The following VWA8 variants were observed in gnomAD, a reference collection of about 807,000 sequenced individuals.
VWA8 encodes the protein von Willebrand factor A domain containing 8, also known as von Willebrand factor A domain-containing protein 8.
A neutral mutation model predicts 241.5 loss-of-function variants in VWA8; 221 were observed. The ratio of observed to expected loss-of-function variants is 0.91; its 90% CI spans 0.82 to 1.02. VWA8 has a LOEUF of 1.02. Among genes scored for constraint, VWA8 ranks in the 50% least tolerant of loss-of-function variants. The pLI, the probability that VWA8 is intolerant of heterozygous loss-of-function variation, is 0.00. For missense variants in VWA8, 2,322 were observed against 2,328.7 expected, an observed-to-expected ratio of 1.00 and a Z score of 0.06; for synonymous variants, 852 against 827.1, an observed-to-expected ratio of 1.03 and a Z score of -0.52.
chr13:41,869,566 G>C (rs1030212557), intron 9 of VWA8, among the ~76,000 whole-genome samples: 2 of 145,854 alleles, frequency 1.4e-5, no homozygotes, highest in African/African-American at 5.1e-5. Flanking sequence ...CAGAGACAGA[G>C]GTTGCAGTGA....
Position 41,623,485 on chromosome 13 carries a change from G to A in VWA8, c.4612-8401C>T, listed in dbSNP as rs143432834. ...GATTCATGTATTAAGGGATGAATGA[G>A]AGGCAGCAGGGCAGAAGCTACTGTC... On this transcript the variant is annotated intron_variant, in intron 37 of 44. Coordinates refer to ENST00000379310, the MANE Select transcript of VWA8 (RefSeq NM_015058.2). 6.6e-5 allele frequency among the ~76,000 whole-genome samples: 10 copies of A among 152,280 alleles called. No homozygotes were observed. The East Asian group carries it at 1.9e-3, about 29-fold the overall frequency.
chr13:41,726,303 C>T (rs2045433066), intron 24 of VWA8, among the ~76,000 whole-genome samples: 1 of 152,144 alleles, frequency 6.6e-6, no homozygotes, highest in African/African-American at 2.4e-5. Context: ...TGTACTTAAA[C>T]ATTGTATAGG....
chr13:41,936,268 C>G (rs1877344744), intron 2 of VWA8, among the ~76,000 whole-genome samples: 1 of 152,146 alleles, frequency 6.6e-6, no homozygotes, highest in Non-Finnish European at 1.5e-5. Flanking sequence ...TAATTTCCAT[C>G]TCTCTAGCTA....
chr13:41,697,200 T>C (rs2045220786), intron 29 of VWA8, among the ~76,000 whole-genome samples: 1 of 150,326 alleles, frequency 6.7e-6, no homozygotes, highest in Non-Finnish European at 1.5e-5. Flanking sequence ...TTGGAAATCC[T>C]GTTGGTTCTA....
At chr13:41,756,628 T>C (rs1235540968) in intron 21 of VWA8, among the ~76,000 whole-genome samples, 1 of 151,742 alleles carries the variant, frequency 6.6e-6, no homozygotes, top group African/African-American at 2.4e-5. Flanking sequence ...TATATACTTA[T>C]ATGGCATCTG....
At chr13:41,901,344 C>G (rs552885926) in intron 4 of VWA8, among the ~76,000 whole-genome samples, 5 of 152,162 alleles carry the variant, frequency 3.3e-5, no homozygotes, top group African/African-American at 1.2e-4. Flanking sequence ...TTGGACAGAG[C>G]CTGGTTCAAA....
At chr13:41,846,424 C>T (rs1872293165) in intron 12 of VWA8, among the ~76,000 whole-genome samples, 1 of 152,148 alleles carries the variant, frequency 6.6e-6, no homozygotes, top group Non-Finnish European at 1.5e-5. Context: ...ACTTCTGCAA[C>T]TTCCTTATTA....
intron 1 of VWA8, among the ~76,000 whole-genome samples, chr13:41,957,745 T>C (rs1391757168): frequency 1.3e-5 from 2 of 152,210 alleles, no homozygotes; most frequent in Non-Finnish European, 2.9e-5. Flanking sequence ...TAAACATAGA[T>C]TGCTGTGTAA....
intron 42 of VWA8, among the ~76,000 whole-genome samples, chr13:41,582,484 A>T (rs978733485): frequency 6.6e-6 from 1 of 152,174 alleles, no homozygotes; most frequent in African/African-American, 2.4e-5. Context: ...GGAAGACAAC[A>T]TTAAGAACTG....
At chr13:41,716,519 A>C (rs1352987859) in intron 26 of VWA8, among the ~76,000 whole-genome samples, 2 of 152,096 alleles carry the variant, frequency 1.3e-5, no homozygotes, top group Non-Finnish European at 2.9e-5. Flanking sequence ...TAGCTACACA[A>C]ATAGTGGTTT....
intron 23 of VWA8, among the ~76,000 whole-genome samples, chr13:41,727,520 T>C (rs1260508493): frequency 2.0e-5 from 3 of 152,140 alleles, no homozygotes; most frequent in African/African-American, 7.2e-5. Flanking sequence ...ATATACTAAA[T>C]TGTACAGGGA....
chr13:41,569,085 G>A (rs1472672319), intron 44 of VWA8, among the ~76,000 whole-genome samples: 1 of 151,082 alleles, frequency 6.6e-6, no homozygotes, highest in Non-Finnish European at 1.5e-5. Flanking sequence ...CTGTGCCAGT[G>A]AAGTCTGGCT....
intron 4 of VWA8, among the ~76,000 whole-genome samples, chr13:41,901,596 A>T (rs1410158443): frequency 6.6e-6 from 1 of 152,094 alleles, no homozygotes; most frequent in African/African-American, 2.4e-5. Context: ...GGCCAGTCGC[A>T]GTGGCTCACG....
chr13:41,625,051 G>A (rs12872483), intron 37 of VWA8, among the ~76,000 whole-genome samples: 2,828 of 152,194 alleles, frequency 0.019, 25 homozygotes, highest in South Asian at 0.047. Flanking sequence ...GCCAAATCAA[G>A]AATGCAATCC....
chr13:41,882,386 A>G (rs1383256293), intron 9 of VWA8, among the ~76,000 whole-genome samples: 1 of 151,948 alleles, frequency 6.6e-6, no homozygotes, highest in Non-Finnish European at 1.5e-5. Flanking sequence ...GACGCTCCTC[A>G]CTTCCCAGAC....
At chr13:41,730,003 T>C (rs550991986) in intron 22 of VWA8, among the ~76,000 whole-genome samples, 10 of 152,236 alleles carry the variant, frequency 6.6e-5, no homozygotes, top group African/African-American at 2.4e-4. Context: ...GTAGGAGAGA[T>C]GTAAAACAAG....
rs1175471994 is a variant in VWA8 at position 41,926,600 on chromosome 13, T to C, written c.242-14432A>G. 5 of 546,882 alleles carry C rather than the reference T, an allele frequency of 9.1e-6. 1 individual carries two copies. The highest frequency in any genetic ancestry group is 6.9e-5 in the South Asian group (5 of 72,402). The allele number at this position is 546,882 out of a possible 1,614,324, so 33.9% of individuals were successfully genotyped here. A position where few individuals can be genotyped will look rare whatever the true frequency, so the allele number is the denominator to read the frequency against. On this transcript the variant is annotated intron_variant, in intron 2 of 44. Transcript: ENST00000379310. ...TCCTGAGTTCACCACCTGCGAGTTC[T>C]ATATGGCCTATGCAGACTACCACAA...
At chr13:41,763,050 T>C (rs1242011992) in intron 20 of VWA8, among the ~76,000 whole-genome samples, 7 of 152,094 alleles carry the variant, frequency 4.6e-5, no homozygotes, top group Admixed American at 2.6e-4. Context: ...GGAGGATCAC[T>C]TGAGCCCAGG....
chr13:41,624,240 A>G (rs1168754788), intron 37 of VWA8, among the ~76,000 whole-genome samples: 2 of 152,214 alleles, frequency 1.3e-5, no homozygotes, highest in East Asian at 1.9e-4. Context: ...ATTCTGCCAA[A>G]TGTGTAAAGA....
Sources: gnomAD v4.1 joint callset for allele counts (sites outside exome capture counted in the v4.1 genomes callset) on GRCh38, gnomAD v4.1.1 for gene constraint, MANE v1.5 for transcripts, NCBI Gene and HGNC (gene_info 2026-07-23, HGNC 2026-07-21) for gene names.